ASCC3: variants seen among roughly 807,000 people sequenced by gnomAD.
The protein encoded by ASCC3 is activating signal cointegrator 1 complex subunit 3.
In ASCC3, 158 loss-of-function variants were observed where a neutral mutation model predicts 256.3. The observed-to-expected ratio is 0.62, with a 90% CI of 0.54 to 0.70. The LOEUF is 0.70. Ranked by LOEUF, ASCC3 falls within the 30% of genes least tolerant of loss-of-function variation. The pLI, the probability that ASCC3 is intolerant of heterozygous loss-of-function variation, is 0.00. For synonymous variants in ASCC3, 948 were observed against 883.4 expected, an observed-to-expected ratio of 1.07 and a Z score of -1.30; for missense variants, 2,259 against 2,626.0, an observed-to-expected ratio of 0.86 and a Z score of 3.05.
chr6:100,730,298 G>GAAAACAAAAC (rs58157005), intron 10 of ASCC3, among the ~76,000 whole-genome samples: 53,488 of 148,316 alleles, frequency 0.36, 9,825 homozygotes, highest in African/African-American at 0.4. Flanking sequence ...CTCCATCTCT[G>GAAAACAAAAC]AAAACAAAAC....
intron 18 of ASCC3, among the ~76,000 whole-genome samples, chr6:100,652,302 G>C (rs1214926776): frequency 6.6e-6 from 1 of 152,140 alleles, no homozygotes; most frequent in East Asian, 1.9e-4. Context: ...AAAAGCCAGA[G>C]ACAACGTGTT....
chr6:100,715,576 A>G (rs1187727715), intron 12 of ASCC3, 43 bp from the exon 13 acceptor site: 1 of 1,541,102 alleles, frequency 6.5e-7, no homozygotes, highest in African/African-American at 1.4e-5. Context: ...TGAAACAATT[A>G]TAAACTTTCT....
chr6:100,589,673 C>T lies in ASCC3; in HGVS notation c.5511G>A (p.Lys1837=), dbSNP rs777014638. The T allele has an allele frequency of 1.1e-5, 17 of 1,613,548 alleles. No individual in the cohort carries two copies. The highest frequency in any genetic ancestry group is 1.4e-5 in the Non-Finnish European group (17 of 1,179,790). ...GCAGTTCTTCAGTACTGCATTCAGGCTTCAAGCGGTCCTTGAACATTTTAA... is the reference window on the plus strand; with the variant it reads ...GCAGTTCTTCAGTACTGCATTCAGGTTTCAAGCGGTCCTTGAACATTTTAA... ...QTVKMFKDRL[K]PECSTEELLS... is the part of the protein sequence containing the mutation. Residue 1837 remains lysine, a synonymous_variant, in exon 36 of 42, where the codon AAG becomes AAA. Coordinates refer to ENST00000369162, the MANE Select transcript of ASCC3 (RefSeq NM_006828.4).
chr6:100,756,977 T>C lies in ASCC3; in HGVS notation c.1737+9588A>G, dbSNP rs1011270316. The stretch of plus-strand genomic sequence containing the variant: ...AAAGAGACTTAAAAACTGGAAAATA[T>C]GCAATGCTCACAGATGGAGAGACAT... On this transcript the variant is annotated intron_variant, in intron 10 of 41. Transcript: ENST00000369162. Among the ~76,000 whole-genome samples, 6 of 152,244 alleles carry C rather than the reference T, an allele frequency of 3.9e-5. No individual in the cohort carries two copies. In the South Asian group the frequency reaches 1.2e-3, roughly 32 times the overall value.
At chr6:100,625,075 A>G (rs1251674252) in intron 30 of ASCC3, 117 bp downstream of exon 30, 1 of 1,143,348 alleles carries the variant, frequency 8.7e-7, no homozygotes, top group African/African-American at 1.6e-5. Flanking sequence ...TAGTGTGGTA[A>G]GGTGGCGGTA....
In ASCC3 at chr6:100,799,527, C is replaced by A; in HGVS notation, c.1173G>T (p.Arg391Ser). The change falls in exon 7 of 42, where the codon AGG (arginine) becomes AGT (serine). Residue 391 changes from arginine (R) to serine (S), a missense_variant. Transcript: ENST00000369162. ...LNARSVPILS[R>S]QRDADVEKIH... ...TTTTTTCAACGTCTGCATCTCTCTG[C>A]CTGCTCAGAATTGGAACACTTCTAG... 1 of 1,612,950 alleles carries A rather than the reference C, an allele frequency of 6.2e-7. No homozygotes were observed. The highest frequency in any genetic ancestry group is 8.5e-7 in the Non-Finnish European group (1 of 1,179,460).
chr6:100,846,555 G>A (rs9390697), intron 4 of ASCC3, among the ~76,000 whole-genome samples: 16,589 of 151,996 alleles, frequency 0.11, 1,515 homozygotes, highest in East Asian at 0.31. Flanking sequence ...TTAACAAGGC[G>A]CTCAGCCCTC....
At chr6:100,689,329 G>A (rs1407515334) in intron 13 of ASCC3, among the ~76,000 whole-genome samples, 2 of 152,154 alleles carry the variant, frequency 1.3e-5, no homozygotes, top group East Asian at 1.9e-4. Context: ...ACCACATAGC[G>A]AGGTAGGTAA....
At chr6:100,594,329 G>C (rs1365433489) in intron 34 of ASCC3, among the ~76,000 whole-genome samples, 1 of 152,040 alleles carries the variant, frequency 6.6e-6, no homozygotes, top group East Asian at 1.9e-4. Flanking sequence ...CATGGTACTA[G>C]ATGATAAGGA....
intron 36 of ASCC3, among the ~76,000 whole-genome samples, chr6:100,579,364 A>G (rs1771067978): frequency 1.3e-5 from 2 of 151,882 alleles, no homozygotes; most frequent in South Asian, 4.1e-4. Context: ...TCATTTGTCA[A>G]CTTTTGTTTT....
chr6:100,831,442 T>C (rs569235321), intron 4 of ASCC3, among the ~76,000 whole-genome samples: 2 of 152,292 alleles, frequency 1.3e-5, no homozygotes, highest in South Asian at 4.2e-4. Flanking sequence ...CAGCTAAAAG[T>C]TGCAGTAGGC....
At chr6:100,868,823 G>C (rs1343938746) in intron 1 of ASCC3, among the ~76,000 whole-genome samples, 1 of 152,188 alleles carries the variant, frequency 6.6e-6, no homozygotes, top group Non-Finnish European at 1.5e-5. Context: ...CAGCTGATGA[G>C]GGGGAAGAAC....
chr6:100,802,228 T>C (rs1220789009), intron 5 of ASCC3, among the ~76,000 whole-genome samples: 1 of 151,954 alleles, frequency 6.6e-6, no homozygotes, highest in African/African-American at 2.4e-5. Context: ...GAAACTGACA[T>C]GCAAAAATGA....
At chr6:100,765,496 C>T (rs184930632) in intron 10 of ASCC3, among the ~76,000 whole-genome samples, 28 of 152,296 alleles carry the variant, frequency 1.8e-4, no homozygotes, top group Admixed American at 1.8e-3. Flanking sequence ...TAGATAATAA[C>T]TCAACCAACC....
chr6:100,617,653 C>T (rs1259505072), intron 30 of ASCC3, among the ~76,000 whole-genome samples: 1 of 152,152 alleles, frequency 6.6e-6, no homozygotes, highest in East Asian at 1.9e-4. Context: ...AAATGATAAA[C>T]CCCATGGGTG....
At chr6:100,792,549 A>G (rs1318858980) in intron 8 of ASCC3, among the ~76,000 whole-genome samples, 1 of 151,976 alleles carries the variant, frequency 6.6e-6, no homozygotes, top group Non-Finnish European at 1.5e-5. Flanking sequence ...TAGTAAAATC[A>G]TCATGGTCAA....
At chr6:100,700,808 G>A (rs1275982090) in intron 13 of ASCC3, among the ~76,000 whole-genome samples, 3 of 152,178 alleles carry the variant, frequency 2.0e-5, no homozygotes, top group Non-Finnish European at 4.4e-5. Flanking sequence ...TCCAATGCCT[G>A]TACCCCATTG....
Position 100,661,840 on chromosome 6 carries a change from AACTG to A in ASCC3, c.2665_2668del (p.Gln889PhefsTer9). The A allele has an allele frequency of 1.2e-6, 2 of 1,613,264 alleles. No individual in the cohort carries two copies. Among genetic ancestry groups the A allele is most frequent in the Non-Finnish European group, 1.7e-6 (2 of 1,179,364 alleles). On this transcript the variant is annotated frameshift_variant, in exon 16 of 42. Transcript: ENST00000369162. LOFTEE classifies it high-confidence loss of function. ...TAGGTTATCTGCAAGGCTTTCCAGA[AACTG>A]ACTCTCAATTGGGTTTCGTTGAGTG...
chr6:100,689,486 C>T (rs1340284052), intron 13 of ASCC3, among the ~76,000 whole-genome samples: 1 of 152,158 alleles, frequency 6.6e-6, no homozygotes, highest in African/African-American at 2.4e-5. Context: ...TCCTTGAATG[C>T]TGCCTGAGGG....
Sources: gnomAD v4.1 joint callset for allele counts (sites outside exome capture counted in the v4.1 genomes callset) on GRCh38, gnomAD v4.1.1 for gene constraint, MANE v1.5 for transcripts, NCBI Gene and HGNC (gene_info 2026-07-23, HGNC 2026-07-21) for gene names.